The following DZIP3 variants were observed in gnomAD, a reference collection of about 807,000 sequenced individuals.
DZIP3 encodes E3 ubiquitin-protein ligase DZIP3.
In DZIP3, 118 loss-of-function variants were observed where a neutral mutation model predicts 162.0. The observed-to-expected ratio is 0.73, with a 90% CI of 0.63 to 0.85. DZIP3 has a LOEUF of 0.85. Ranked by LOEUF, DZIP3 falls within the 40% of genes least tolerant of loss-of-function variation. DZIP3 has a pLI of 0.00. For missense variants in DZIP3, 1,331 were observed against 1,407.0 expected (o/e 0.95, Z 0.86); for synonymous variants, 438 against 458.6 (o/e 0.96, Z 0.57).
At chr3:108,589,618 A>C, upstream of DZIP3, 16 of 342,830 alleles carry the variant, frequency 4.7e-5, no homozygotes, top group South Asian at 3.5e-4. Flanking sequence ...CCGCTAACCC[A>C]CCCTCGTCTG....
At chr3:108,631,055 A>ACACACACATACACTCTCTCT in intron 8 of DZIP3, among the ~76,000 whole-genome samples, 431 of 18,054 alleles carry the variant, frequency 0.024, 18 homozygotes, top group Non-Finnish European at 0.031. Context: ...ACACACACAC[A>ACACACACATACACTCTCTCT]CTCTCTCTCT....
chr3:108,691,497 C>T (rs1944695585), intron 32 of DZIP3: 1 of 151,816 alleles, frequency 6.6e-6, no homozygotes, highest in Admixed American at 6.6e-5. Flanking sequence ...AGAAACATAG[C>T]AAGTCATTTG....
At position 108,637,521 on chromosome 3, in the gene DZIP3, A is replaced by G. The variant is rs1942210795; in HGVS notation, c.1037A>G (p.Tyr346Cys). 1 of 1,611,664 alleles carries G rather than the reference A, an allele frequency of 6.2e-7. No individual in the cohort carries two copies. Among genetic ancestry groups the G allele is most frequent in the Non-Finnish European group, 8.5e-7 (1 of 1,179,034 alleles). Residue 346 changes from tyrosine (Y) to cysteine (C), a missense_variant, in exon 12 of 33, where the codon TAT becomes TGT. By Grantham distance (194) the Tyr-to-Cys change is radical. Transcript: ENST00000361582. ...ILFEVVRKDE[Y>C]ITIENLGASY... is the part of the protein sequence containing the mutation. ...TTTGAAGTTGTGAGAAAGGATGAAT[A>G]TATCACCATTGAAAATTTAGGAGCA... is the stretch of plus-strand genomic sequence containing the variant.
chr3:108,603,379 C>T (rs1268609369), intron 1 of DZIP3: 1 of 152,136 alleles, frequency 6.6e-6, no homozygotes, highest in African/African-American at 2.4e-5. Context: ...TGAAGCAGAT[C>T]TGATCTAGTG....
chr3:108,619,137 T>G (rs1363024658), intron 5 of DZIP3, among the ~76,000 whole-genome samples: 1 of 150,816 alleles, frequency 6.6e-6, no homozygotes, highest in Admixed American at 6.6e-5. Context: ...TAGAAAAATC[T>G]TGTTTATGGT....
At chr3:108,667,036 G>A (rs1943710100) in intron 21 of DZIP3, among the ~76,000 whole-genome samples, 1 of 151,690 alleles carries the variant, frequency 6.6e-6, no homozygotes, top group African/African-American at 2.4e-5. Context: ...AGAAATAATG[G>A]GAGCAGGATG....
intron 13 of DZIP3, among the ~76,000 whole-genome samples, chr3:108,643,089 A>T (rs1335309656): frequency 6.6e-6 from 1 of 152,202 alleles, no homozygotes; most frequent in Non-Finnish European, 1.5e-5. Context: ...ACTTGCCTCC[A>T]CAATGTATAT....
intron 1 of DZIP3, among the ~76,000 whole-genome samples, chr3:108,595,675 A>G (rs1939676003): frequency 6.6e-6 from 1 of 152,102 alleles, no homozygotes; most frequent in African/African-American, 2.4e-5. Flanking sequence ...GGAAAAATCT[A>G]GAAAGAACAT....
intron 21 of DZIP3, among the ~76,000 whole-genome samples, chr3:108,664,292 C>T (rs890537021): frequency 1.4e-4 from 22 of 152,190 alleles, no homozygotes; most frequent in Admixed American, 2.6e-4. Context: ...ACAATACCCA[C>T]CGTACTGCAG....
At chr3:108,617,185 T>A (rs764075664) in intron 5 of DZIP3, among the ~76,000 whole-genome samples, 4 of 152,154 alleles carry the variant, frequency 2.6e-5, no homozygotes, top group Non-Finnish European at 5.9e-5. Context: ...GTTCAAGAGA[T>A]CTATTGTACA....
In DZIP3 at chr3:108,636,726, TCC is replaced by T; in HGVS notation, c.1011+19_1011+20del. The T allele has an allele frequency of 7.3e-7, 1 of 1,378,842 alleles. No homozygotes were observed. The highest frequency in any genetic ancestry group is 3.1e-5 in the Admixed American group (1 of 31,836). The allele number at this position is 1,378,842 out of a possible 1,614,324, so 85.4% of individuals were successfully genotyped here. The stretch of plus-strand genomic sequence containing the variant: ...AAATTTTGGTGAGTATCTTGTTTTG[TCC>T]TTTTTTTTTTTTCTTGCTTTCCTTC... On this transcript the variant is annotated intron_variant, in intron 11 of 32. Transcript: ENST00000361582.
chr3:108,662,420 A>G (rs1241679447), intron 21 of DZIP3, among the ~76,000 whole-genome samples, 163 bp downstream of exon 21: 1 of 152,232 alleles, frequency 6.6e-6, no homozygotes, highest in East Asian at 1.9e-4. Flanking sequence ...TTGTCTTGCC[A>G]ACTGGATTGA....
intron 8 of DZIP3, among the ~76,000 whole-genome samples, chr3:108,631,556 A>AAAAAATT (rs1553705443): frequency 6.8e-6 from 1 of 146,434 alleles, no homozygotes; most frequent in African/African-American, 2.5e-5. Flanking sequence ...TTTTAAAAAA[A>AAAAAATT]ATTATTATTA....
Position 108,634,854 on chromosome 3 carries a change from C to G in DZIP3, c.817-17C>G. 1 of 1,554,676 alleles carries G rather than the reference C, an allele frequency of 6.4e-7. No homozygotes were observed. Among genetic ancestry groups the G allele is most frequent in the East Asian group, 2.3e-5 (1 of 43,740 alleles). ...TCACCATGTCCTTATTGATAACTTACTTTTATTTTTTTCCAGGGATTTTTT... is the reference window on the plus strand; with the variant it reads ...TCACCATGTCCTTATTGATAACTTAGTTTTATTTTTTTCCAGGGATTTTTT... On this transcript the variant is annotated splice_polypyrimidine_tract_variant and intron_variant, in intron 9 of 32. Coordinates refer to ENST00000361582, the MANE Select transcript of DZIP3 (RefSeq NM_014648.4).
chr3:108,651,036 C>T lies in DZIP3; in HGVS notation c.2008-101C>T, dbSNP rs1576416983. ...TGATATATATTTCTTTAGTTATGAT[C>T]AAAAATTTTTTGAGAAACACTGACC... On this transcript the variant is annotated intron_variant, in intron 17 of 32. Coordinates refer to ENST00000361582, the MANE Select transcript of DZIP3 (RefSeq NM_014648.4). The T allele has an allele frequency of 7.3e-6, 3 of 412,854 alleles. No individual in the cohort carries two copies. In the East Asian group the frequency reaches 4.2e-4, roughly 58 times the overall value. 25.6% of individuals were successfully genotyped at this position (412,854 alleles called of 1,614,324 possible). A position where few individuals can be genotyped will look rare whatever the true frequency, so the allele number is the denominator to read the frequency against.
rs1396070176 is a variant in DZIP3, at chr3:108,674,085, T to G, written c.2597T>G (p.Phe866Cys). ...TCTCTCAAAAACCTGTAGGTGTATT[T>G]CTTACAGTGTCGTAGGGATTTTGGT... ...TSRALTAEVY[F>C]LQCRRDFGLL... is the part of the protein sequence containing the mutation. The change falls in exon 24 of 33, where the codon TTC (phenylalanine) becomes TGC (cysteine). Residue 866 changes from phenylalanine to cysteine, a missense_variant. By Grantham distance (205) the Phe-to-Cys change is radical. Transcript: ENST00000361582. The G allele has an allele frequency of 6.2e-7, 1 of 1,611,286 alleles. No homozygotes were observed. Among genetic ancestry groups the G allele is most frequent in the Non-Finnish European group, 8.5e-7 (1 of 1,178,402 alleles).
chr3:108,628,900 A>G (rs1238670454), intron 7 of DZIP3, among the ~76,000 whole-genome samples, 162 bp from the exon 8 acceptor site: 1 of 152,168 alleles, frequency 6.6e-6, no homozygotes. Context: ...ATTTCATGCC[A>G]ATCTGCCACA....
chr3:108,667,623 A>G (rs1943737151), intron 21 of DZIP3, among the ~76,000 whole-genome samples: 1 of 152,128 alleles, frequency 6.6e-6, no homozygotes, highest in South Asian at 2.1e-4. Context: ...GTTTTGCAAG[A>G]TGTTACCATG....
At chr3:108,610,132 C>T (rs551509859) in intron 3 of DZIP3, among the ~76,000 whole-genome samples, 8 of 152,064 alleles carry the variant, frequency 5.3e-5, no homozygotes, top group South Asian at 2.1e-4. Flanking sequence ...AGTTAGTAAA[C>T]GGTTAACATT....
Sources: gnomAD v4.1 joint callset for allele counts (sites outside exome capture counted in the v4.1 genomes callset) on GRCh38, gnomAD v4.1.1 for gene constraint, MANE v1.5 for transcripts, NCBI Gene and HGNC (gene_info 2026-07-23, HGNC 2026-07-21) for gene names.